The following TYRO3 variants were observed in gnomAD, a reference collection of about 807,000 sequenced individuals.
TYRO3 encodes the protein TYRO3 protein tyrosine kinase.
TYRO3 carries 38 observed loss-of-function variants against 95.2 expected under a neutral mutation model. That is an observed-to-expected ratio of 0.40 (90% CI 0.31 to 0.52). TYRO3 has a LOEUF of 0.52. Ranked by LOEUF, TYRO3 falls within the 20% of genes least tolerant of loss-of-function variation. The pLI, the probability that TYRO3 is intolerant of heterozygous loss-of-function variation, is 0.56. For synonymous variants in TYRO3, 367 were observed against 432.9 expected, an observed-to-expected ratio of 0.85 and a Z score of 1.89; for missense variants, 812 against 1,116.4, an observed-to-expected ratio of 0.73 and a Z score of 3.89.
rs946400357 is a variant in TYRO3 at position 41,583,288 on chromosome 15, G to C, written c.*5012G>C. ...TGGGATTACAGGCTTCAGCCACCGC[G>C]CCCGGCCCAGTTTTTAAGTGTTGTA... On this transcript the variant is annotated 3_prime_UTR_variant, in exon 19 of 19. Coordinates refer to ENST00000263798, the MANE Select transcript of TYRO3 (RefSeq NM_006293.4). The C allele has an allele frequency of 1.3e-5, 2 of 152,166 alleles. No individual in the cohort carries two copies. Among genetic ancestry groups the C allele is most frequent in the South Asian group, 2.1e-4 (1 of 4,818 alleles). 9.4% of individuals were successfully genotyped at this position (152,166 alleles called of 1,614,324 possible).
intron 18 of TYRO3, chr15:41,574,518 G>C (rs1212853443): frequency 7.5e-6 from 3 of 397,598 alleles, no homozygotes; most frequent in Middle Eastern, 3.6e-4. Context: ...GAGAAAATAG[G>C]ATTAGAGAGA....
Position 41,577,966 on chromosome 15 carries a change from A to G in TYRO3, c.2363A>G (p.Asn788Ser). ...SFTCLRMELE[N>S]ILGQLSVLSA... ...ACTTGTCTGCGAATGGAACTGGAGA[A>G]CATCTTGGGCCAGCTGTCTGTGCTA... The change falls in exon 19 of 19, where the codon AAC (asparagine) becomes AGC (serine). Residue 788 changes from asparagine (N) to serine (S), a missense_variant. Coordinates refer to ENST00000263798, the MANE Select transcript of TYRO3 (RefSeq NM_006293.4). The G allele has an allele frequency of 6.2e-7, 1 of 1,613,836 alleles. No individual in the cohort carries two copies. Among genetic ancestry groups the G allele is most frequent in the South Asian group, 1.1e-5 (1 of 91,062 alleles).
Position 41,573,521 on chromosome 15 carries a change from T to G in TYRO3, c.2145+54T>G, listed in dbSNP as rs1284705359. ...GGGGACGAGTGTGAGAGCAGACCTT[T>G]AGGATCCTTAAGGGCCTAGCCAAGT... On this transcript the variant is annotated intron_variant, in intron 17 of 18. Coordinates refer to ENST00000263798, the MANE Select transcript of TYRO3 (RefSeq NM_006293.4). 6 of 1,610,448 alleles carry G rather than the reference T, an allele frequency of 3.7e-6. No individual in the cohort carries two copies. The Admixed American group carries it at 8.3e-5, about 22-fold the overall frequency.
chr15:41,562,383 A>T, intron 3 of TYRO3, 165 bp from the exon 4 acceptor site: 1 of 489,480 alleles, frequency 2.0e-6, no homozygotes, highest in Non-Finnish European at 3.4e-6. Flanking sequence ...AAAGAGAAGC[A>T]CCGCCTACCT....
At chr15:41,562,208 A>T (rs1046159744) in intron 3 of TYRO3, 2 of 211,204 alleles carry the variant, frequency 9.5e-6, no homozygotes, top group Non-Finnish European at 1.9e-5. Flanking sequence ...CTAAGGTGCC[A>T]GGCATGGTGG....
rs372131358 is a variant in TYRO3, at chr15:41,571,724, G to A, written c.1753+37G>A. The A allele has an allele frequency of 5.4e-6, 5 of 931,932 alleles. No homozygotes were observed. In the African/African-American group the frequency reaches 6.3e-5, roughly 12 times the overall value. 57.7% of individuals were successfully genotyped at this position (931,932 alleles called of 1,614,324 possible). ...TTTGGGGGAGGCAGATAGAGAATAGGGCTAAAAATATGCTCTACCAATATG... is the reference window on the plus strand; with the variant it reads ...TTTGGGGGAGGCAGATAGAGAATAGAGCTAAAAATATGCTCTACCAATATG... On this transcript the variant is annotated intron_variant, in intron 14 of 18. Coordinates refer to ENST00000263798, the MANE Select transcript of TYRO3 (RefSeq NM_006293.4).
intron 2 of TYRO3, 91 bp from the exon 3 acceptor site, chr15:41,561,448 C>T (rs1344604605): frequency 7.3e-7 from 1 of 1,366,940 alleles, no homozygotes; most frequent in Non-Finnish European, 9.9e-7. Flanking sequence ...TGGGACCTTC[C>T]AGAAGTGGGG....
intron 4 of TYRO3, among the ~76,000 whole-genome samples, chr15:41,563,779 A>G (rs938663029): frequency 6.6e-6 from 1 of 152,236 alleles, no homozygotes; most frequent in African/African-American, 2.4e-5. Context: ...GAGTCTGCAA[A>G]TAACAACCCC....
At position 41,583,585 on chromosome 15, in the gene TYRO3, C is replaced by T. The variant is rs1418718708; in HGVS notation, c.*5309C>T. 1 of 152,168 alleles carries T rather than the reference C, an allele frequency of 6.6e-6. No individual in the cohort carries two copies. Among genetic ancestry groups the T allele is most frequent in the African/African-American group, 2.4e-5 (1 of 41,430 alleles). The allele number at this position is 152,168 out of a possible 1,614,324, so 9.4% of individuals were successfully genotyped here. On this transcript the variant is annotated 3_prime_UTR_variant, in exon 19 of 19. Transcript: ENST00000263798. The stretch of plus-strand genomic sequence containing the variant: ...ATTACTATAAATGTATAATGTTTTC[C>T]TATATGTTCGTGGTACATTTTTTTT...
chr15:41,564,397 G>A (rs1256136745), intron 5 of TYRO3, 127 bp downstream of exon 5: 3 of 892,976 alleles, frequency 3.4e-6, no homozygotes, highest in Admixed American at 4.2e-5. Flanking sequence ...GGAGCAAGGG[G>A]TTAATTGGCA....
At chr15:41,577,343 G>A (rs1407368677) in intron 18 of TYRO3, 2 of 151,794 alleles carry the variant, frequency 1.3e-5, no homozygotes, top group African/African-American at 4.8e-5. Context: ...TATTTATTTT[G>A]AGATGGAATT....
In TYRO3 at chr15:41,573,456, C is replaced by G; in HGVS notation, c.2134C>G (p.Gln712Glu). The change falls in exon 17 of 19, where the codon CAG (glutamine) becomes GAG (glutamate). Residue 712 changes from glutamine (Q) to glutamate (E), a missense_variant. Physicochemically the swap from Gln to Glu is conservative, Grantham distance 29 (BLOSUM62 2). Transcript: ENST00000263798. ...ESLADNLYTV[Q>E]SDVWAFGVTM... ...CCTGGCCGACAACCTGTATACTGTG[C>G]AGAGTGACGTGGTGAGCAGGGTGGC... The G allele has an allele frequency of 6.2e-7, 1 of 1,614,232 alleles. No individual in the cohort carries two copies. The highest frequency in any genetic ancestry group is 8.5e-7 in the Non-Finnish European group (1 of 1,180,042).
intron 18 of TYRO3, 84 bp from the exon 19 acceptor site, chr15:41,577,802 T>A: frequency 1.4e-6 from 2 of 1,444,332 alleles, no homozygotes; most frequent in Non-Finnish European, 1.9e-6. Context: ...TAAAATTTTT[T>A]AAAACCCTAG....
intron 9 of TYRO3, among the ~76,000 whole-genome samples, chr15:41,569,242 G>A (rs978589471): frequency 1.3e-5 from 2 of 151,288 alleles, no homozygotes; most frequent in Non-Finnish European, 1.5e-5. Context: ...GCTTGAGGCC[G>A]GCAGTTTGAG....
Position 41,564,097 on chromosome 15 carries a change from A to C in TYRO3, c.581-87A>C, listed in dbSNP as rs566824305. The C allele has an allele frequency of 8.9e-5, 113 of 1,270,270 alleles. 2 individuals carry two copies. The South Asian group carries it at 1.3e-3, about 15-fold the overall frequency. 78.7% of individuals were successfully genotyped at this position (1,270,270 alleles called of 1,614,324 possible). A position where few individuals can be genotyped will look rare whatever the true frequency, so the allele number is the denominator to read the frequency against. On this transcript the variant is annotated intron_variant, in intron 4 of 18. Coordinates refer to ENST00000263798, the MANE Select transcript of TYRO3 (RefSeq NM_006293.4). ...TGGCAGGAGGGATTTAAGGATGTTC[A>C]GACCAGAGCCTGAGTATTCCCCTTT... is the stretch of plus-strand genomic sequence containing the variant.
At position 41,559,354 on chromosome 15, in the gene TYRO3, C is replaced by A; in HGVS notation, c.97C>A (p.Leu33Met). Residue 33 changes from leucine (L) to methionine (M), a missense_variant, in exon 1 of 19, where the codon CTG becomes ATG. Physicochemically the swap from Leu to Met is conservative, Grantham distance 15. Transcript: ENST00000263798. ...GCTGCTGCTGGCGGCTCTGGCTTCT[C>A]TGCTGCTCCCGGAGTCCGCCGCCGC... The part of the protein sequence containing the change: ...LGLLLAALAS[L>M]LLPESAAAGL... 1 of 221,220 alleles carries A rather than the reference C, an allele frequency of 4.5e-6. No homozygotes were observed. Among genetic ancestry groups the A allele is most frequent in the South Asian group, 1.6e-4 (1 of 6,220 alleles). 13.7% of individuals were successfully genotyped at this position (221,220 alleles called of 1,614,324 possible). A position where few individuals can be genotyped will look rare whatever the true frequency, so the allele number is the denominator to read the frequency against.
rs2055897399 is a variant in TYRO3 at position 41,579,230 on chromosome 15, T to C, written c.*954T>C. ...ATTCCTGGAACCTGGACCCCAGCCT[T>C]GGTGGGGGAGCCTCTGGAATGCATG... On this transcript the variant is annotated 3_prime_UTR_variant, in exon 19 of 19. Coordinates refer to ENST00000263798, the MANE Select transcript of TYRO3 (RefSeq NM_006293.4). The C allele has an allele frequency of 6.6e-6, 1 of 152,292 alleles. No individual in the cohort carries two copies. 9.4% of individuals were successfully genotyped at this position (152,292 alleles called of 1,614,324 possible). A position where few individuals can be genotyped will look rare whatever the true frequency, so the allele number is the denominator to read the frequency against.
At position 41,568,317 on chromosome 15, in the gene TYRO3, C is replaced by T. The variant is rs368326516; in HGVS notation, c.1062C>T (p.Pro354=). The T allele has an allele frequency of 9.9e-6, 16 of 1,614,082 alleles. No homozygotes were observed. Among genetic ancestry groups the T allele is most frequent in the Non-Finnish European group, 1.4e-5 (16 of 1,179,996 alleles). The change falls in exon 8 of 19, where the codon CCC becomes CCT. Residue 354 remains proline (P), a synonymous_variant. Coordinates refer to ENST00000263798, the MANE Select transcript of TYRO3 (RefSeq NM_006293.4). ...EVIPEAPLEG[P]LGPYKLSWVQ... is the part of the protein sequence containing the mutation. ...TCCCCGAGGCCCCTTTGGAAGGCCCCCTGGGACCCTACAAACTGTCCTGGG... is the reference window on the plus strand; with the variant it reads ...TCCCCGAGGCCCCTTTGGAAGGCCCTCTGGGACCCTACAAACTGTCCTGGG...
In TYRO3 at chr15:41,559,226, G is replaced by C. The variant is rs1381919483; in HGVS notation, c.-32G>C. 3.1e-6 allele frequency: 1 copy of C among 324,778 alleles called. No homozygotes were observed. Among genetic ancestry groups the C allele is most frequent in the Non-Finnish European group, 5.4e-6 (1 of 186,888 alleles). The allele number at this position is 324,778 out of a possible 1,614,324, so 20.1% of individuals were successfully genotyped here. On this transcript the variant is annotated 5_prime_UTR_variant, in exon 1 of 19. Transcript: ENST00000263798. ...CGCCCTCCTCCCTCCTCGCTCGCGG[G>C]CCGGGCCCGGCATGGTGCGGCGTCG...
Sources: gnomAD v4.1 joint callset for allele counts (sites outside exome capture counted in the v4.1 genomes callset) on GRCh38, gnomAD v4.1.1 for gene constraint, MANE v1.5 for transcripts, NCBI Gene and HGNC (gene_info 2026-07-23, HGNC 2026-07-21) for gene names.